TRIM4: variants seen among roughly 807,000 people sequenced by gnomAD.
TRIM4 encodes the protein tripartite motif containing 4, also known as E3 ubiquitin-protein ligase TRIM4.
Under a neutral mutation model 33.7 loss-of-function variants are expected in TRIM4, and 29 were observed. The ratio of observed to expected loss-of-function variants is 0.86; its 90% CI spans 0.64 to 1.17. The LOEUF (loss-of-function observed/expected upper bound fraction) is 1.17. Ranked by LOEUF, TRIM4 falls within the 50% of genes most tolerant of loss-of-function variation. The pLI is 0.00. For missense variants in TRIM4, 554 were observed against 593.7 expected (o/e 0.93, Z 0.69); for synonymous variants, 224 against 233.0 (o/e 0.96, Z 0.35).
At chr7:99,898,194 C>T (rs1819066135) in intron 5 of TRIM4, among the ~76,000 whole-genome samples, 2 of 152,188 alleles carry the variant, frequency 1.3e-5, no homozygotes, top group African/African-American at 2.4e-5. Flanking sequence ...GACATATTTT[C>T]CACCTAGTAT....
rs2151651072 is a variant in TRIM4 at position 99,912,039 on chromosome 7, G to A, written c.394-2379C>T. On this transcript the variant is annotated intron_variant, in intron 1 of 5. Coordinates refer to ENST00000349062, the MANE Select transcript of TRIM4 (RefSeq NM_033091.3). ...TCCATTTATATGAAGTTCTGGAACA[G>A]GCAAAACCTAATTTGTGTTTGAAAA... is the stretch of plus-strand genomic sequence containing the variant. Among the ~76,000 whole-genome samples the A allele has an allele frequency of 2.0e-5, 3 of 152,284 alleles. No individual in the cohort carries two copies. In the Middle Eastern group the frequency reaches 0.01, roughly 518 times the overall value.
intron 1 of TRIM4, among the ~76,000 whole-genome samples, chr7:99,918,470 C>G (rs1278836508): frequency 6.6e-6 from 1 of 151,702 alleles, no homozygotes; most frequent in Non-Finnish European, 1.5e-5. Flanking sequence ...GAGGCTGAGG[C>G]AGGAGAACTG....
intron 1 of TRIM4, chr7:99,917,865 C>CAAGCTAA: frequency 1.0e-6 from 1 of 985,280 alleles, no homozygotes; most frequent in Non-Finnish European, 1.2e-6. Context: ...GGAAGGTCTT[C>CAAGCTAA]AAGCTAAAAG....
At chr7:99,911,999 T>C (rs1819456063) in intron 1 of TRIM4, among the ~76,000 whole-genome samples, 1 of 152,072 alleles carries the variant, frequency 6.6e-6, no homozygotes, top group African/African-American at 2.4e-5. Flanking sequence ...AAAGGATCCA[T>C]ACAGACAATG....
intron 5 of TRIM4, among the ~76,000 whole-genome samples, chr7:99,894,940 GT>G (rs1260897416): frequency 1.3e-5 from 2 of 152,098 alleles, no homozygotes; most frequent in East Asian, 3.9e-4. Flanking sequence ...TCTGACATTA[GT>G]AATGTGTGTT....
chr7:99,917,521 ACCAG>A (rs1819582796), intron 1 of TRIM4, among the ~76,000 whole-genome samples: 1 of 152,138 alleles, frequency 6.6e-6, no homozygotes. Flanking sequence ...GGAGTTCGAG[ACCAG>A]CCTGACCAAC....
chr7:99,892,229 G>A lies in TRIM4; in HGVS notation c.1359C>T (p.Leu453=), dbSNP rs748486581. 14 of 1,614,010 alleles carry A rather than the reference G, an allele frequency of 8.7e-6. No individual in the cohort carries two copies. The highest frequency in any genetic ancestry group is 1.7e-5 in the Admixed American group (1 of 59,994). ...HTFSCSSVSR[L]RPFFWLSPLA... is the part of the protein sequence containing the mutation. ...ATGGACTCAACCAAAAAAATGGCCG[G>A]AGGCGTGAGACAGAAGAACAAGAAA... Residue 453 remains leucine (L), a synonymous_variant, in exon 6 of 6, where the codon CTC becomes CTT. Transcript: ENST00000349062.
Position 99,919,027 on chromosome 7 carries a change from C to G in TRIM4, c.375G>C (p.Glu125Asp). The change falls in exon 1 of 6, where the codon GAG (glutamate) becomes GAC (aspartate). Residue 125 changes from glutamate (E) to aspartate (D), a missense_variant. Glu to Asp is a conservative substitution (Grantham distance 45). Around this residue, in one of 3 missense-constraint regions of TRIM4, gnomAD observed 233 missense variants for 203.1 expected, o/e 1.15. Coordinates refer to ENST00000349062, the MANE Select transcript of TRIM4 (RefSeq NM_033091.3). Reference protein sequence around the residue: ...HQTHAMAPIDEAFESYREKLL... With the variant: ...HQTHAMAPIDDAFESYREKLL... Reference sequence around the variant, plus strand: ...AGCTCACCCGGTAGCTCTCGAAGGCCTCGTCGATGGGTGCCATGGCGTGAG... The same window carrying G: ...AGCTCACCCGGTAGCTCTCGAAGGCGTCGTCGATGGGTGCCATGGCGTGAG... 1 of 1,590,422 alleles carries G rather than the reference C, an allele frequency of 6.3e-7. No individual in the cohort carries two copies. The highest frequency in any genetic ancestry group is 8.5e-7 in the Non-Finnish European group (1 of 1,170,440).
At chr7:99,912,756 G>A (rs1265004152) in intron 1 of TRIM4, among the ~76,000 whole-genome samples, 1 of 152,122 alleles carries the variant, frequency 6.6e-6, no homozygotes, top group Non-Finnish European at 1.5e-5. Flanking sequence ...TTCCAACTTT[G>A]ATGTATGCTT....
At chr7:99,914,921 T>C (rs1233546843) in intron 1 of TRIM4, among the ~76,000 whole-genome samples, 4 of 152,136 alleles carry the variant, frequency 2.6e-5, no homozygotes, top group African/African-American at 9.7e-5. Flanking sequence ...GCAATTCTCC[T>C]GCCTCAGCCT....
At chr7:99,894,905 C>A (rs1818983039) in intron 5 of TRIM4, among the ~76,000 whole-genome samples, 1 of 152,158 alleles carries the variant, frequency 6.6e-6, no homozygotes, top group African/African-American at 2.4e-5. Context: ...TCTGCAGAAT[C>A]TGTAATGATG....
At chr7:99,917,007 TCCA>T (rs1229307767) in intron 1 of TRIM4, among the ~76,000 whole-genome samples, 1 of 152,204 alleles carries the variant, frequency 6.6e-6, no homozygotes, top group Non-Finnish European at 1.5e-5. Flanking sequence ...GCTATCCCAC[TCCA>T]CCACATTTGG....
At chr7:99,907,161 A>C (rs1430230109) in intron 3 of TRIM4, among the ~76,000 whole-genome samples, 1 of 152,178 alleles carries the variant, frequency 6.6e-6, no homozygotes, top group Non-Finnish European at 1.5e-5. Flanking sequence ...TCTGTCGCCC[A>C]GGCTGGAGTG....
At chr7:99,918,353 G>A (rs1026553382) in intron 1 of TRIM4, among the ~76,000 whole-genome samples, 1 of 152,194 alleles carries the variant, frequency 6.6e-6, no homozygotes, top group African/African-American at 2.4e-5. Flanking sequence ...GATCACTTGA[G>A]GTCAGCAGTT....
At chr7:99,903,398 A>C (rs1195165031) in intron 4 of TRIM4, 83 bp from the exon 5 acceptor site, 3 of 1,363,626 alleles carry the variant, frequency 2.2e-6, no homozygotes, top group Admixed American at 1.9e-5. Flanking sequence ...CTTAGCCCAA[A>C]GTTCAGATGG....
At chr7:99,916,958 G>A (rs954728821) in intron 1 of TRIM4, among the ~76,000 whole-genome samples, 1 of 152,164 alleles carries the variant, frequency 6.6e-6, no homozygotes, top group Non-Finnish European at 1.5e-5. Context: ...CCATGCTCCA[G>A]AAGTACTGAG....
intron 5 of TRIM4, among the ~76,000 whole-genome samples, chr7:99,893,268 A>T (rs942959734): frequency 2.1e-5 from 3 of 141,032 alleles, no homozygotes; most frequent in South Asian, 4.3e-4. Context: ...TTCTATCTTT[A>T]AAAAAAAAAA....
chr7:99,895,575 A>T (rs547144308), intron 5 of TRIM4, among the ~76,000 whole-genome samples: 6 of 152,350 alleles, frequency 3.9e-5, no homozygotes, highest in African/African-American at 1.4e-4. Flanking sequence ...TGATAATATT[A>T]TTCAAGTCTA....
At chr7:99,902,377 AG>A (rs1213376377) in intron 5 of TRIM4, among the ~76,000 whole-genome samples, 1 of 152,094 alleles carries the variant, frequency 6.6e-6, no homozygotes, top group African/African-American at 2.4e-5. Context: ...CCTCCCGAGT[AG>A]CTGGGATTAC....
Sources: allele counts gnomAD v4.1 joint callset (sites outside exome capture counted in the v4.1 genomes callset), GRCh38; gene constraint gnomAD v4.1.1; regional missense constraint gnomAD v4.1.1; transcripts MANE v1.5; gene names NCBI Gene and HGNC (gene_info 2026-07-23, HGNC 2026-07-21).